KIF26B: variants seen among roughly 807,000 people sequenced by gnomAD.
The protein encoded by KIF26B is kinesin family member 26B.
A neutral mutation model predicts 151.2 loss-of-function variants in KIF26B; 63 were observed. That is an observed-to-expected ratio of 0.42 (90% confidence interval 0.34 to 0.51). The LOEUF is 0.51. Ranked by LOEUF, KIF26B falls within the 20% of genes least tolerant of loss-of-function variation. The pLI, the probability that KIF26B is intolerant of heterozygous loss-of-function variation, is 0.07. For missense variants in KIF26B, 2,813 were observed against 2,913.6 expected, an observed-to-expected ratio of 0.97 and a Z score of 0.79; for synonymous variants, 1,357 against 1,262.1, an observed-to-expected ratio of 1.08 and a Z score of -1.59.
chr1:245,280,554 T>A (rs1671026026), intron 2 of KIF26B, among the ~76,000 whole-genome samples: 1 of 102,630 alleles, frequency 9.7e-6, no homozygotes, highest in Admixed American at 1.0e-4. Flanking sequence ...AAAGAAATTA[T>A]TTTAGGCAGA....
chr1:245,237,066 C>A (rs1332605384), intron 2 of KIF26B, among the ~76,000 whole-genome samples: 1 of 152,334 alleles, frequency 6.6e-6, no homozygotes, highest in Middle Eastern at 3.4e-3. Flanking sequence ...CAATGAAGAT[C>A]GTGGTGTCTT....
intron 4 of KIF26B, among the ~76,000 whole-genome samples, chr1:245,446,423 A>G (rs1287684092): frequency 1.3e-5 from 2 of 152,190 alleles, no homozygotes; most frequent in Non-Finnish European, 2.9e-5. Flanking sequence ...AAAAAAGTAT[A>G]AGAAAATTAA....
intron 2 of KIF26B, among the ~76,000 whole-genome samples, chr1:245,272,802 T>C (rs945002982): frequency 2.6e-5 from 4 of 152,212 alleles, no homozygotes; most frequent in Admixed American, 1.3e-4. Flanking sequence ...AGTGAATTGT[T>C]TCGTTTTCAC....
At chr1:245,407,935 T>C (rs1466506389) in intron 3 of KIF26B, among the ~76,000 whole-genome samples, 1 of 144,442 alleles carries the variant, frequency 6.9e-6, no homozygotes, top group African/African-American at 2.8e-5. Flanking sequence ...TGGAGTCCTG[T>C]GGAGGGGGTG....
chr1:245,160,302 G>A (rs557089564), intron 2 of KIF26B, among the ~76,000 whole-genome samples: 98 of 152,330 alleles, frequency 6.4e-4, no homozygotes, highest in Admixed American at 1.8e-3. Flanking sequence ...TCGGATAAAA[G>A]AATGTGGACG....
chr1:245,476,333 A>G (rs1660036659), intron 4 of KIF26B, among the ~76,000 whole-genome samples: 1 of 151,824 alleles, frequency 6.6e-6, no homozygotes, highest in Non-Finnish European at 1.5e-5. Flanking sequence ...ACATCATTAC[A>G]TGCATAGTGA....
chr1:245,444,259 C>T (rs1187358672), intron 4 of KIF26B, among the ~76,000 whole-genome samples: 2 of 152,228 alleles, frequency 1.3e-5, no homozygotes, highest in African/African-American at 4.8e-5. Context: ...GGGGAGGAGG[C>T]GGGTGGTGAA....
chr1:245,385,877 C>T (rs999499711), intron 3 of KIF26B, among the ~76,000 whole-genome samples: 2 of 152,080 alleles, frequency 1.3e-5, no homozygotes, highest in African/African-American at 4.8e-5. Context: ...ATATTTAGAA[C>T]GAAGCCCAAA....
At chr1:245,180,987 C>T (rs1347548204) in intron 2 of KIF26B, among the ~76,000 whole-genome samples, 1 of 152,196 alleles carries the variant, frequency 6.6e-6, no homozygotes, top group South Asian at 2.1e-4. Context: ...TTGTGCACCC[C>T]CTTCTTCTCT....
chr1:245,411,976 C>T (rs551965888), intron 3 of KIF26B, among the ~76,000 whole-genome samples: 1 of 152,222 alleles, frequency 6.6e-6, no homozygotes, highest in South Asian at 2.1e-4. Flanking sequence ...AACTTTGATC[C>T]GGGCGTGCAT....
At chr1:245,550,219 T>A (rs1171161823) in intron 5 of KIF26B, among the ~76,000 whole-genome samples, 1 of 152,232 alleles carries the variant, frequency 6.6e-6, no homozygotes, top group East Asian at 1.9e-4. Context: ...TGAGATCTGT[T>A]AAGCAACAAC....
intron 9 of KIF26B, among the ~76,000 whole-genome samples, chr1:245,642,939 C>T (rs1055059233): frequency 6.6e-6 from 1 of 152,158 alleles, no homozygotes; most frequent in Non-Finnish European, 1.5e-5. Context: ...TAGGATAGTT[C>T]CACGACTGCA....
intron 4 of KIF26B, among the ~76,000 whole-genome samples, chr1:245,513,625 G>C (rs530650582): frequency 1.3e-5 from 2 of 152,260 alleles, no homozygotes; most frequent in South Asian, 2.1e-4. Context: ...TTTGCTCAAC[G>C]ATCCCACTAT....
At chr1:245,305,062 CTA>C (rs1671510908) in intron 2 of KIF26B, among the ~76,000 whole-genome samples, 2 of 152,082 alleles carry the variant, frequency 1.3e-5, no homozygotes, top group South Asian at 4.2e-4. Context: ...CATTTTTAAG[CTA>C]TATGTTTTTA....
At chr1:245,407,347 G>A (rs1572046569) in intron 3 of KIF26B, among the ~76,000 whole-genome samples, 1 of 152,276 alleles carries the variant, frequency 6.6e-6, no homozygotes, top group Middle Eastern at 3.4e-3. Flanking sequence ...AGCTGTGGCT[G>A]TCGCATCTCA....
intron 2 of KIF26B, among the ~76,000 whole-genome samples, chr1:245,192,450 T>G (rs1446984703): frequency 6.6e-6 from 1 of 152,214 alleles, no homozygotes; most frequent in African/African-American, 2.4e-5. Context: ...ATACATTACT[T>G]TAAAAACATT....
chr1:245,185,044 A>AT (rs1208362765), intron 2 of KIF26B, among the ~76,000 whole-genome samples: 7 of 152,116 alleles, frequency 4.6e-5, no homozygotes, highest in Admixed American at 1.3e-4. Context: ...TCAGAGCCAA[A>AT]TTTTTTATTG....
At chr1:245,550,732 A>C (rs1661862634) in intron 5 of KIF26B, among the ~76,000 whole-genome samples, 1 of 152,224 alleles carries the variant, frequency 6.6e-6, no homozygotes, top group Non-Finnish European at 1.5e-5. Context: ...GGGATCAGGC[A>C]GTGTGGAACC....
intron 14 of KIF26B, among the ~76,000 whole-genome samples, chr1:245,701,635 C>A (rs1285709371): frequency 6.6e-6 from 1 of 152,146 alleles, no homozygotes; most frequent in Non-Finnish European, 1.5e-5. Context: ...TCATTATTAT[C>A]TCATTTTATT....
Sources: allele counts gnomAD v4.1 joint callset (sites outside exome capture counted in the v4.1 genomes callset), GRCh38; gene constraint gnomAD v4.1.1; transcripts MANE v1.5; gene names NCBI Gene and HGNC (gene_info 2026-07-23, HGNC 2026-07-21).